Variants in ADCY1 observed in about 807,000 individuals in gnomAD.
The protein encoded by ADCY1 is adenylate cyclase type 1.
Under a neutral mutation model 105.4 loss-of-function variants are expected in ADCY1, and 28 were observed. That is an observed-to-expected ratio of 0.27 (90% CI 0.20 to 0.36). ADCY1 has a LOEUF of 0.36. Among genes scored for constraint, ADCY1 ranks in the 10% least tolerant of loss-of-function variants. ADCY1 has a pLI of 1.00. For synonymous variants in ADCY1, 655 were observed against 623.8 expected (o/e 1.05, Z -0.75); for missense variants, 977 against 1,434.2 (o/e 0.68, Z 5.15).
intron 3 of ADCY1, among the ~76,000 whole-genome samples, chr7:45,616,137 G>GTA (rs1398010993): frequency 6.6e-6 from 1 of 152,186 alleles, no homozygotes; most frequent in Non-Finnish European, 1.5e-5. Flanking sequence ...AAGTCATTAA[G>GTA]AAGTAGAAAG....
At chr7:45,657,993 T>G in intron 6 of ADCY1, 108 bp downstream of exon 6, 1 of 1,273,804 alleles carries the variant, frequency 7.9e-7, no homozygotes, top group Non-Finnish European at 1.1e-6. Context: ...GGCACTTGTG[T>G]GAGTGCTCCT....
At chr7:45,621,031 A>G (rs1793875217) in intron 3 of ADCY1, among the ~76,000 whole-genome samples, 3 of 152,092 alleles carry the variant, frequency 2.0e-5, no homozygotes, top group Admixed American at 2.0e-4. Flanking sequence ...CCCTTCCCTG[A>G]ATAGAATGGA....
Position 45,677,899 on chromosome 7 carries a change from C to T in ADCY1, c.1636C>T (p.Leu546Phe). 1 of 1,614,138 alleles carries T rather than the reference C, an allele frequency of 6.2e-7. No individual in the cohort carries two copies. Among genetic ancestry groups the T allele is most frequent in the Non-Finnish European group, 8.5e-7 (1 of 1,180,036 alleles). The change falls in exon 9 of 20, where the codon CTC (leucine) becomes TTC (phenylalanine). Residue 546 changes from leucine to phenylalanine, a missense_variant. Leu to Phe is a conservative substitution (Grantham distance 22). Coordinates refer to ENST00000297323, the MANE Select transcript of ADCY1 (RefSeq NM_021116.4). ...RRALRTASEK[L>F]RNRSSFSTNV... Reference sequence around the variant, plus strand: ...GGCATTAAGAACAGCCTCGGAAAAACTCAGAAACCGCTCATCTTTTTCTAC... The same window carrying T: ...GGCATTAAGAACAGCCTCGGAAAAATTCAGAAACCGCTCATCTTTTTCTAC...
At chr7:45,596,386 G>C (rs937863004) in intron 2 of ADCY1, among the ~76,000 whole-genome samples, 59 of 151,950 alleles carry the variant, frequency 3.9e-4, no homozygotes, top group Admixed American at 3.8e-3. Context: ...TCTGTGGGGG[G>C]ATCCAGGGAG....
At chr7:45,711,642 T>TACAC (rs1256514395) in intron 19 of ADCY1, among the ~76,000 whole-genome samples, 1 of 20,612 alleles carries the variant, frequency 4.9e-5, no homozygotes, top group Non-Finnish European at 1.3e-4. Context: ...TATATATATA[T>TACAC]ATACACACAC....
upstream of ADCY1, chr7:45,574,272 G>C (rs1412459219): frequency 1.8e-5 from 7 of 387,202 alleles, no homozygotes; most frequent in Non-Finnish European, 2.5e-5. This position sits in a 1 kb window ranked among gnomAD's most constrained non-coding sequence, Gnocchi z 7.0. Context: ...CCAGGTTCGC[G>C]GCTCCCGGGG....
intron 2 of ADCY1, among the ~76,000 whole-genome samples, chr7:45,606,575 T>A (rs1361877793): frequency 1.3e-5 from 2 of 152,220 alleles, no homozygotes. Flanking sequence ...GTTTCAAGAT[T>A]TCTGCCTTCT....
At position 45,656,334 on chromosome 7, in the gene ADCY1, A is replaced by T. The variant is rs527666617; in HGVS notation, c.1149-1393A>T. Among the ~76,000 whole-genome samples the T allele has an allele frequency of 2.6e-5, 4 of 152,310 alleles. No homozygotes were observed. In the South Asian group the frequency reaches 8.3e-4, roughly 32 times the overall value. The stretch of plus-strand genomic sequence containing the variant: ...AAAAAAAAGTATATTCAAAATATGT[A>T]AAACTACATAGGTATTAAAGATATA... On this transcript the variant is annotated intron_variant, in intron 5 of 19. Coordinates refer to ENST00000297323, the MANE Select transcript of ADCY1 (RefSeq NM_021116.4).
chr7:45,653,483 TG>T (rs1181742967), intron 5 of ADCY1, among the ~76,000 whole-genome samples: 1 of 152,248 alleles, frequency 6.6e-6, no homozygotes, highest in East Asian at 1.9e-4. Context: ...CATCAGTCCC[TG>T]TGTCAATCTG....
intron 14 of ADCY1, among the ~76,000 whole-genome samples, chr7:45,688,217 A>G (rs1383744885): frequency 6.6e-6 from 1 of 152,222 alleles, no homozygotes; most frequent in African/African-American, 2.4e-5. Context: ...TCAACCAGTG[A>G]TAGGTCAATC....
intron 3 of ADCY1, among the ~76,000 whole-genome samples, chr7:45,616,455 T>G (rs1403837684): frequency 1.3e-5 from 2 of 152,210 alleles, no homozygotes; most frequent in Non-Finnish European, 2.9e-5. Context: ...TCACATTAAA[T>G]GCCTCATACA....
At chr7:45,682,224 G>A (rs1784572600) in intron 11 of ADCY1, among the ~76,000 whole-genome samples, 1 of 152,148 alleles carries the variant, frequency 6.6e-6, no homozygotes, top group Non-Finnish European at 1.5e-5. Context: ...TGGGGCAGTG[G>A]GTGTAGCTCA....
Position 45,721,662 on chromosome 7 carries a change from G to A in ADCY1, c.*7667G>A. On this transcript the variant is annotated 3_prime_UTR_variant, in exon 20 of 20. Coordinates refer to ENST00000297323, the MANE Select transcript of ADCY1 (RefSeq NM_021116.4). ...TTTAATGTTATTGTCATATGCTGCT[G>A]GTGAGGTAAAGGTGGGTCCGGGTGC... 2.5e-6 allele frequency: 1 copy of A among 398,566 alleles called. No individual in the cohort carries two copies. The highest frequency in any genetic ancestry group is 4.4e-6 in the Non-Finnish European group (1 of 226,086). The allele number at this position is 398,566 out of a possible 1,614,324, so 24.7% of individuals were successfully genotyped here.
intron 5 of ADCY1, among the ~76,000 whole-genome samples, chr7:45,650,171 A>T (rs757505713): frequency 2.0e-5 from 3 of 152,310 alleles, no homozygotes; most frequent in South Asian, 4.1e-4. Context: ...ATCATATGTC[A>T]TATGTTACAT....
chr7:45,643,665 T>C (rs1261931768), intron 4 of ADCY1, among the ~76,000 whole-genome samples: 2 of 152,204 alleles, frequency 1.3e-5, no homozygotes, highest in Non-Finnish European at 2.9e-5. Context: ...GCACATAAAA[T>C]AATTGCATGG....
intron 14 of ADCY1, among the ~76,000 whole-genome samples, chr7:45,701,097 G>A (rs145796333): frequency 2.0e-5 from 3 of 152,372 alleles, no homozygotes; most frequent in South Asian, 4.1e-4. Flanking sequence ...GGATGGACAC[G>A]TGATTTTGTT....
intron 8 of ADCY1, among the ~76,000 whole-genome samples, chr7:45,676,038 G>C (rs1215595696): frequency 6.8e-6 from 1 of 147,250 alleles, no homozygotes; most frequent in Non-Finnish European, 1.5e-5. Context: ...AGTTCCAAAG[G>C]CTCTGTTTTG....
rs887900078 is a variant in ADCY1, at chr7:45,591,259, G to C, written c.640-1500G>C. 7.2e-5 allele frequency among the ~76,000 whole-genome samples: 11 copies of C among 152,240 alleles called. No homozygotes were observed. Among genetic ancestry groups the C allele is most frequent in the Admixed American group, 5.2e-4 (8 of 15,300 alleles). ...GCTCCTCAGCCCCAGCATCCAGTAG[G>C]TGGCCAGGAGCTGCCAGGTCTCCCT... On this transcript the variant is annotated intron_variant, in intron 1 of 19. Transcript: ENST00000297323. This position sits in a 1 kb window ranked among gnomAD's most constrained non-coding sequence, Gnocchi z 4.1.
At chr7:45,601,796 G>A (rs1352026586) in intron 2 of ADCY1, among the ~76,000 whole-genome samples, 1 of 152,152 alleles carries the variant, frequency 6.6e-6, no homozygotes, top group African/African-American at 2.4e-5. Flanking sequence ...GACAAGTGGA[G>A]ATGGCCCTCA....
Sources: gnomAD v4.1 joint callset for allele counts (sites outside exome capture counted in the v4.1 genomes callset) on GRCh38, gnomAD v4.1.1 for gene constraint, Gnocchi (gnomAD v3.1) non-coding constraint, MANE v1.5 for transcripts, NCBI Gene and HGNC (gene_info 2026-07-23, HGNC 2026-07-21) for gene names.